Variants in PTPN14 observed in about 807,000 individuals in gnomAD.
PTPN14 encodes the protein protein tyrosine phosphatase non-receptor type 14.
In PTPN14, 53 loss-of-function variants were observed where a neutral mutation model predicts 126.8. The observed-to-expected ratio is 0.42, with a 90% CI of 0.34 to 0.53. The LOEUF (loss-of-function observed/expected upper bound fraction) is 0.53. Among genes scored for constraint, PTPN14 ranks in the 20% least tolerant of loss-of-function variants. The pLI is 0.08. For synonymous variants in PTPN14, 630 were observed against 599.3 expected (o/e 1.05, Z -0.75); for missense variants, 1,257 against 1,552.9 (o/e 0.81, Z 3.20).
chr1:214,531,135 T>C (rs1294115697), intron 1 of PTPN14: 1 of 152,184 alleles, frequency 6.6e-6, no homozygotes, highest in African/African-American at 2.4e-5. Context: ...AGCAAATCTA[T>C]TCAAGTTCAC....
chr1:214,522,280 A>T (rs1655280246), intron 1 of PTPN14, among the ~76,000 whole-genome samples: 1 of 152,144 alleles, frequency 6.6e-6, no homozygotes, highest in Non-Finnish European at 1.5e-5. Flanking sequence ...GAGAGATTTC[A>T]TACCAGTCAT....
chr1:214,535,022 C>T (rs912154019), intron 1 of PTPN14, among the ~76,000 whole-genome samples: 3 of 151,460 alleles, frequency 2.0e-5, no homozygotes, highest in Non-Finnish European at 2.9e-5. Flanking sequence ...TATATAGTAG[C>T]GGATATAGCA....
At chr1:214,497,942 G>A (rs1220386140) in intron 1 of PTPN14, among the ~76,000 whole-genome samples, 2 of 152,136 alleles carry the variant, frequency 1.3e-5, no homozygotes, top group East Asian at 3.8e-4. Context: ...CAATGAGAGA[G>A]AAAAGGACAA....
intron 1 of PTPN14, among the ~76,000 whole-genome samples, chr1:214,516,163 T>C (rs752298508): frequency 3.3e-5 from 5 of 152,336 alleles, no homozygotes; most frequent in Middle Eastern, 6.8e-3. Context: ...CCTGCATAGC[T>C]GATGAGCCCA....
At chr1:214,398,636 T>TTTA (rs1553262256) in intron 7 of PTPN14, among the ~76,000 whole-genome samples, 1 of 148,362 alleles carries the variant, frequency 6.7e-6, no homozygotes, top group African/African-American at 2.5e-5. Flanking sequence ...TTTTTTTTTT[T>TTTA]ACAGACAGGG....
At chr1:214,419,420 C>G (rs942638237) in intron 3 of PTPN14, among the ~76,000 whole-genome samples, 1 of 152,118 alleles carries the variant, frequency 6.6e-6, no homozygotes, top group South Asian at 2.1e-4. Context: ...CTTTTTGAAG[C>G]CTTTCCATAA....
intron 13 of PTPN14, among the ~76,000 whole-genome samples, chr1:214,379,832 T>C (rs1658431294): frequency 1.3e-5 from 2 of 152,244 alleles, no homozygotes; most frequent in South Asian, 4.1e-4. Context: ...TGATGTCTCA[T>C]GTCTCCCTAA....
Position 214,362,435 on chromosome 1 carries a change from C to G in PTPN14, c.3435+2077G>C, listed in dbSNP as rs548439851. 2.2e-4 allele frequency among the ~76,000 whole-genome samples: 34 copies of G among 152,318 alleles called. 2 individuals are homozygous for G. The South Asian group carries it at 6.6e-3, about 30-fold the overall frequency. On this transcript the variant is annotated intron_variant, in intron 18 of 18. Transcript: ENST00000366956. Reference sequence around the variant, plus strand: ...GGAAATCCGCTATGTTTGGACACACCATAGAGCATTTAACCACCCTGAGCC... The same window carrying G: ...GGAAATCCGCTATGTTTGGACACACGATAGAGCATTTAACCACCCTGAGCC...
chr1:214,355,713 CAG>C lies in PTPN14; in HGVS notation c.*2207_*2208del, dbSNP rs1420114418. The C allele has an allele frequency of 1.3e-5, 2 of 152,140 alleles. No individual in the cohort carries two copies. Among genetic ancestry groups the C allele is most frequent in the Non-Finnish European group, 2.9e-5 (2 of 68,032 alleles). The allele number at this position is 152,140 out of a possible 1,614,324, so 9.4% of individuals were successfully genotyped here. On this transcript the variant is annotated 3_prime_UTR_variant, in exon 19 of 19. Coordinates refer to ENST00000366956, the MANE Select transcript of PTPN14 (RefSeq NM_005401.5). Reference sequence around the variant, plus strand: ...ACCACAACACCTGGCCAGGTTGAAACAGAGGATTCCTATTCCGAAGAACTTAA... The same window carrying C: ...ACCACAACACCTGGCCAGGTTGAAACAGGATTCCTATTCCGAAGAACTTAA...
intron 2 of PTPN14, among the ~76,000 whole-genome samples, chr1:214,463,227 G>C (rs555951075): frequency 1.3e-5 from 2 of 152,288 alleles, no homozygotes; most frequent in South Asian, 4.2e-4. Flanking sequence ...ACTTAGACAA[G>C]TCTCTTCCCC....
intron 3 of PTPN14, among the ~76,000 whole-genome samples, chr1:214,422,739 C>T (rs923615808): frequency 6.6e-6 from 1 of 152,122 alleles, no homozygotes; most frequent in East Asian, 1.9e-4. Context: ...GGATAAAATA[C>T]ATAAAAATCA....
chr1:214,509,469 T>A (rs1030998213), intron 1 of PTPN14, among the ~76,000 whole-genome samples: 1 of 152,224 alleles, frequency 6.6e-6, no homozygotes, highest in Non-Finnish European at 1.5e-5. Context: ...GGCTTTGGCT[T>A]AAGGAAAGTT....
intron 1 of PTPN14, among the ~76,000 whole-genome samples, chr1:214,502,118 A>G (rs1471256358): frequency 1.3e-5 from 2 of 151,870 alleles, no homozygotes; most frequent in African/African-American, 4.8e-5. Flanking sequence ...GGTGTGATTG[A>G]CATACAAAAA....
At chr1:214,428,908 G>A (rs1659736672) in intron 3 of PTPN14, among the ~76,000 whole-genome samples, 2 of 152,130 alleles carry the variant, frequency 1.3e-5, no homozygotes, top group African/African-American at 4.8e-5. Context: ...TAAAAAGATT[G>A]GGGAGAAAAA....
At chr1:214,538,045 G>A (rs945847082) in intron 1 of PTPN14, among the ~76,000 whole-genome samples, 1 of 152,160 alleles carries the variant, frequency 6.6e-6, no homozygotes, top group Non-Finnish European at 1.5e-5. Flanking sequence ...TCCCAACTCA[G>A]ACTAGCCACA....
chr1:214,495,843 C>T (rs767599200), intron 1 of PTPN14, among the ~76,000 whole-genome samples: 18 of 152,028 alleles, frequency 1.2e-4, no homozygotes, highest in East Asian at 3.9e-4. Flanking sequence ...TACAGGCACA[C>T]GCCACCATGC....
At chr1:214,434,280 G>A (rs187946111) in intron 3 of PTPN14, among the ~76,000 whole-genome samples, 157 of 152,304 alleles carry the variant, frequency 1.0e-3, no homozygotes, top group African/African-American at 3.6e-3. Flanking sequence ...ATGAGATAAG[G>A]TGAAGGTCAC....
intron 3 of PTPN14, among the ~76,000 whole-genome samples, chr1:214,426,822 T>C (rs1659674873): frequency 6.6e-6 from 1 of 152,202 alleles, no homozygotes; most frequent in South Asian, 2.1e-4. Context: ...CCAGGGAAGA[T>C]GCCAGTGTGG....
intron 1 of PTPN14, among the ~76,000 whole-genome samples, chr1:214,547,515 A>C (rs1282782895): frequency 6.6e-6 from 1 of 152,230 alleles, no homozygotes; most frequent in Admixed American, 6.5e-5. Flanking sequence ...CAGATGAAAG[A>C]CAACATTAAA....
Sources: allele counts gnomAD v4.1 joint callset (sites outside exome capture counted in the v4.1 genomes callset), GRCh38; gene constraint gnomAD v4.1.1; transcripts MANE v1.5; gene names NCBI Gene and HGNC (gene_info 2026-07-23, HGNC 2026-07-21).